RB1: variants seen among roughly 807,000 people sequenced by gnomAD.
RB1 encodes retinoblastoma-associated protein.
In RB1, 18 loss-of-function variants were observed where a neutral mutation model predicts 135.4. The observed-to-expected ratio is 0.13, with a 90% CI of 0.09 to 0.20. The LOEUF (loss-of-function observed/expected upper bound fraction) is 0.20, where lower values mean the gene tolerates loss of function less well. Among genes scored for constraint, RB1 ranks in the 10% least tolerant of loss-of-function variants. The probability of loss-of-function intolerance (pLI) is 1.00; values close to 1 mark genes in which losing one functional copy is unlikely to be tolerated. For missense variants in RB1, 868 were observed against 1,110.0 expected, an observed-to-expected ratio of 0.78 and a Z score of 3.10; for synonymous variants, 365 against 373.2, an observed-to-expected ratio of 0.98 and a Z score of 0.25.
At chr13:48,431,972 A>T (rs1014228473) in intron 17 of RB1, among the ~76,000 whole-genome samples, 6 of 152,172 alleles carry the variant, frequency 3.9e-5, no homozygotes, top group Non-Finnish European at 7.4e-5. Flanking sequence ...TATAGCAGTG[A>T]ATAAAACAAA....
chr13:48,381,142 G>A, intron 16 of RB1, 105 bp from the exon 17 acceptor site: 1 of 1,440,452 alleles, frequency 6.9e-7, no homozygotes, highest in Non-Finnish European at 9.2e-7. Context: ...AATAAAAATG[G>A]TTTAACCTTT....
intron 2 of RB1, among the ~76,000 whole-genome samples, chr13:48,337,001 T>C (rs892776712): frequency 6.6e-6 from 1 of 152,212 alleles, no homozygotes; most frequent in Non-Finnish European, 1.5e-5. Context: ...TTTGAGTGAG[T>C]TTCTTAATCC....
chr13:48,459,653 A>G lies in RB1; in HGVS notation c.1961-35A>G, dbSNP rs1479844576. 3 of 1,611,072 alleles carry G rather than the reference A, an allele frequency of 1.9e-6. No homozygotes were observed. The South Asian group carries it at 3.3e-5, about 18-fold the overall frequency. Reference sequence around the variant, plus strand: ...AAAATCTACTTGTAATTCAAAATGAACAGTAAAAATGACTAATTTTTCTTA... The same window carrying G: ...AAAATCTACTTGTAATTCAAAATGAGCAGTAAAAATGACTAATTTTTCTTA... On this transcript the variant is annotated intron_variant, in intron 19 of 26. Transcript: ENST00000267163.
At chr13:48,371,834 G>A (rs4151513) in intron 11 of RB1, among the ~76,000 whole-genome samples, 1,626 of 152,200 alleles carry the variant, frequency 0.011, 31 homozygotes, top group African/African-American at 0.038. Context: ...GTCCCATTAC[G>A]AACTGGGTGA....
At chr13:48,464,034 T>A (rs1413215626) in intron 21 of RB1, among the ~76,000 whole-genome samples, 199 bp downstream of exon 21, 1 of 152,212 alleles carries the variant, frequency 6.6e-6, no homozygotes, top group Non-Finnish European at 1.5e-5. Context: ...ATTATGAAAT[T>A]ACCCATATTC....
In RB1 at chr13:48,441,414, A is replaced by C. The variant is rs1004533163; in HGVS notation, c.1696-11579A>C. Among the ~76,000 whole-genome samples, 5 of 152,214 alleles carry C rather than the reference A, an allele frequency of 3.3e-5. 1 individual carries two copies. In the South Asian group the frequency reaches 1.0e-3, roughly 32 times the overall value. ...GGCAAGAATGACCAACGGGTTTCCA[A>C]ACATATAGAAGTAGTAACATGTGCA... is the stretch of plus-strand genomic sequence containing the variant. On this transcript the variant is annotated intron_variant, in intron 17 of 26. Coordinates refer to ENST00000267163, the MANE Select transcript of RB1 (RefSeq NM_000321.3).
intron 18 of RB1, among the ~76,000 whole-genome samples, chr13:48,454,384 A>G (rs2138328842): frequency 1.3e-5 from 2 of 152,354 alleles, no homozygotes; most frequent in South Asian, 4.1e-4. Flanking sequence ...TTTCTGGCAT[A>G]TGGAGACCCT....
chr13:48,456,520 A>G (rs1269817515), intron 19 of RB1, among the ~76,000 whole-genome samples, 171 bp downstream of exon 19: 5 of 152,160 alleles, frequency 3.3e-5, no homozygotes. Context: ...ATCTTTCTTG[A>G]CTATTCAGAG....
In RB1 at chr13:48,307,537, A is replaced by G. The variant is rs1952092280; in HGVS notation, c.264+131A>G. 3 of 1,001,616 alleles carry G rather than the reference A, an allele frequency of 3.0e-6. No homozygotes were observed. In the East Asian group the frequency reaches 8.1e-5, roughly 27 times the overall value. 62.0% of individuals were successfully genotyped at this position (1,001,616 alleles called of 1,614,324 possible). The stretch of plus-strand genomic sequence containing the variant: ...AGCTAATAATAATTCCATTACCCAG[A>G]GGAAATTTACCTCTGCTAACATTAA... On this transcript the variant is annotated intron_variant, in intron 2 of 26. Coordinates refer to ENST00000267163, the MANE Select transcript of RB1 (RefSeq NM_000321.3).
At chr13:48,423,297 C>T (rs1157685775) in intron 17 of RB1, among the ~76,000 whole-genome samples, 3 of 151,986 alleles carry the variant, frequency 2.0e-5, no homozygotes, top group Admixed American at 6.6e-5. Context: ...GTTTTTGAGA[C>T]GGAGTCTTGC....
At chr13:48,341,492 GT>G (rs1952442594) in intron 2 of RB1, among the ~76,000 whole-genome samples, 1 of 151,922 alleles carries the variant, frequency 6.6e-6, no homozygotes, top group South Asian at 2.1e-4. Flanking sequence ...TTCCAAACTT[GT>G]TTTCCAAAAT....
At chr13:48,456,126 G>A (rs975159795) in intron 18 of RB1, 78 bp from the exon 19 acceptor site, 4 of 1,591,630 alleles carry the variant, frequency 2.5e-6, no homozygotes, top group African/African-American at 2.7e-5. Flanking sequence ...GTATCTGGGT[G>A]TACAACCTTG....
chr13:48,374,799 A>T (rs1208159848), intron 12 of RB1, among the ~76,000 whole-genome samples: 1 of 151,920 alleles, frequency 6.6e-6, no homozygotes, highest in Non-Finnish European at 1.5e-5. Context: ...ACTTTTTTTT[A>T]AACTTGGAAA....
rs144954802 is a variant in RB1 at position 48,461,856 on chromosome 13, G to A, written c.2107-1875G>A. 3.0e-4 allele frequency among the ~76,000 whole-genome samples: 46 copies of A among 151,830 alleles called. 1 individual carries two copies. Among genetic ancestry groups the A allele is most frequent in the Non-Finnish European group, 5.4e-4 (37 of 67,940 alleles). On this transcript the variant is annotated intron_variant, in intron 20 of 26. Transcript: ENST00000267163. ...TATTTATTTTTTTTATTTTTGACAC[G>A]GAGTCTTGCTCTGTCGCCCAGGCTA... is the stretch of plus-strand genomic sequence containing the variant.
intron 8 of RB1, among the ~76,000 whole-genome samples, chr13:48,364,459 A>G (rs187337533): frequency 1.3e-5 from 2 of 152,158 alleles, no homozygotes; most frequent in Non-Finnish European, 2.9e-5. Flanking sequence ...TCTTTTCTCT[A>G]TCTTTATCAT....
At chr13:48,352,064 T>A (rs1194436875) in intron 6 of RB1, among the ~76,000 whole-genome samples, 1 of 152,208 alleles carries the variant, frequency 6.6e-6, no homozygotes, top group Non-Finnish European at 1.5e-5. Flanking sequence ...TAGCCACTTA[T>A]CCTAGCACCA....
intron 17 of RB1, among the ~76,000 whole-genome samples, chr13:48,435,381 C>A (rs1949172942): frequency 1.3e-5 from 2 of 152,048 alleles, no homozygotes; most frequent in Admixed American, 1.3e-4. Context: ...GGTGAAATTT[C>A]TCTTCATGTC....
chr13:48,381,492 CA>C, intron 17 of RB1, 49 bp downstream of exon 17: 1 of 1,553,626 alleles, frequency 6.4e-7, no homozygotes, highest in South Asian at 1.1e-5. Flanking sequence ...ATATGGCTAA[CA>C]AATTATTGTT....
chr13:48,459,869 T>TA, intron 20 of RB1, 36 bp downstream of exon 20: 1 of 1,514,694 alleles, frequency 6.6e-7, no homozygotes, highest in Non-Finnish European at 8.9e-7. Context: ...CTCTCCTCCC[T>TA]ACTTACTTGT....
Sources: allele counts gnomAD v4.1 joint callset (sites outside exome capture counted in the v4.1 genomes callset), GRCh38; gene constraint gnomAD v4.1.1; transcripts MANE v1.5; gene names NCBI Gene and HGNC (gene_info 2026-07-23, HGNC 2026-07-21).